Variants in MS4A18 observed in about 807,000 individuals in gnomAD.
The protein encoded by MS4A18 is membrane spanning 4-domains A18.
A neutral mutation model predicts 13.1 loss-of-function variants in MS4A18; 27 were observed. The observed-to-expected ratio is 2.06, with a 90% confidence interval of 1.52 to 2.84. The LOEUF is 2.84. Among genes scored for constraint, MS4A18 ranks in the 30% most tolerant of loss-of-function variants. MS4A18 has a pLI of 0.00. For missense variants in MS4A18, 307 were observed against 196.4 expected (o/e 1.56, Z -3.37); for synonymous variants, 126 against 76.5 (o/e 1.65, Z -3.38).
At chr11:60,738,935 G>T (rs960858474) in exon 4 of MS4A18, 3 of 703,230 alleles carry the variant, frequency 4.3e-6, no homozygotes, top group Admixed American at 4.0e-5. Flanking sequence ...CATCATCAGC[G>T]CACTCTTCGC....
chr11:60,742,956 G>A (rs61071431), intron 5 of MS4A18, among the ~76,000 whole-genome samples: 21,796 of 152,116 alleles, frequency 0.14, 1,725 homozygotes, highest in East Asian at 0.25. Context: ...TACATAACAT[G>A]GGAAATCATT....
At chr11:60,733,050 G>T (rs1041984833) in intron 1 of MS4A18, among the ~76,000 whole-genome samples, 1 of 152,212 alleles carries the variant, frequency 6.6e-6, no homozygotes, top group Non-Finnish European at 1.5e-5. Context: ...ATCTGAGAAC[G>T]ATGTTAACAT....
intron 1 of MS4A18, among the ~76,000 whole-genome samples, chr11:60,731,544 T>A (rs1237631546): frequency 6.6e-6 from 1 of 152,216 alleles, no homozygotes; most frequent in Non-Finnish European, 1.5e-5. Context: ...CTCCCTTTTA[T>A]TATAACTTTC....
In MS4A18 at chr11:60,730,961, G is replaced by C. The variant is rs186011896; in HGVS notation, c.477+1169G>C. Among the ~76,000 whole-genome samples, 11 of 152,300 alleles carry C rather than the reference G, an allele frequency of 7.2e-5. No individual in the cohort carries two copies. In the East Asian group the frequency reaches 1.2e-3, roughly 16 times the overall value. On this transcript the variant is annotated intron_variant, in intron 1 of 5. Coordinates refer to ENST00000529108, the Ensembl canonical transcript of MS4A18. ...TACAAAAAATTAGCCAGGTGTGGTG[G>C]CGGGTGCCTGTAGTCCCAGCTACTC... is the stretch of plus-strand genomic sequence containing the variant.
At chr11:60,733,637 G>A (rs1853290840) in exon 2 of MS4A18, 1 of 703,610 alleles carries the variant, frequency 1.4e-6, no homozygotes, top group Non-Finnish European at 2.6e-6. Flanking sequence ...CCGCTCTGGG[G>A]AGGATTATCC....
At chr11:60,744,575 A>G (rs1853459725), downstream of MS4A18, among the ~76,000 whole-genome samples, 2 of 152,234 alleles carry the variant, frequency 1.3e-5, no homozygotes, top group African/African-American at 4.8e-5. Flanking sequence ...TTGCTAAGAT[A>G]AAAAGTCATA....
At chr11:60,729,584 G>A (rs1853220458) in exon 1 of MS4A18, 1 of 702,658 alleles carries the variant, frequency 1.4e-6, no homozygotes, top group African/African-American at 1.7e-5. Flanking sequence ...GGAACAGCCA[G>A]TTTGCAGACG....
chr11:60,729,834 C>T (rs554083905), intron 1 of MS4A18, 48 bp downstream of exon 2: 1 of 658,408 alleles, frequency 1.5e-6, no homozygotes, highest in African/African-American at 1.8e-5. Context: ...TTCATAAGCC[C>T]TCGTCTAGTG....
upstream of MS4A18, chr11:60,729,240 T>A: frequency 1.6e-6 from 1 of 641,214 alleles, no homozygotes; most frequent in Non-Finnish European, 2.8e-6. Flanking sequence ...AAGATAAGAA[T>A]GAGATAAGAT....
At position 60,735,253 on chromosome 11, in the gene MS4A18, C is replaced by T. The variant is rs137942316; in HGVS notation, c.591+1606C>T. On this transcript the variant is annotated intron_variant, in intron 2 of 5. Transcript: ENST00000529108. Reference sequence around the variant, plus strand: ...CTAACTTAAAAAACAAAGCATCACACGTGGTTTTTAAATTTTTAAATCCCT... The same window carrying T: ...CTAACTTAAAAAACAAAGCATCACATGTGGTTTTTAAATTTTTAAATCCCT... 2.9e-3 allele frequency among the ~76,000 whole-genome samples: 447 copies of T among 152,270 alleles called. 3 individuals are homozygous for T. The highest frequency in any genetic ancestry group is 0.01 in the African/African-American group (418 of 41,552).
chr11:60,741,018 C>T lies in MS4A18; in HGVS notation c.745-12C>T. 1 of 703,032 alleles carries T rather than the reference C, an allele frequency of 1.4e-6. No individual in the cohort carries two copies. The allele number at this position is 703,032 out of a possible 1,614,324, so 43.5% of individuals were successfully genotyped here. Reference sequence around the variant, plus strand: ...GAAGGACTAAATGCCTTCCATTTCTCTTTGCCTTTAGACATATTCAAAGGC... The same window carrying T: ...GAAGGACTAAATGCCTTCCATTTCTTTTTGCCTTTAGACATATTCAAAGGC... On this transcript the variant is annotated splice_polypyrimidine_tract_variant and intron_variant, in intron 4 of 5. Transcript: ENST00000529108.
chr11:60,735,833 T>A (rs943895553), intron 2 of MS4A18, among the ~76,000 whole-genome samples: 1 of 151,242 alleles, frequency 6.6e-6, no homozygotes, highest in African/African-American at 2.4e-5. Context: ...CCAGCTAATT[T>A]TTGTATTTTC....
intron 1 of MS4A18, among the ~76,000 whole-genome samples, chr11:60,731,104 GA>G (rs1315131582): frequency 1.3e-5 from 2 of 151,724 alleles, no homozygotes; most frequent in Non-Finnish European, 2.9e-5. Flanking sequence ...TAAAAAAAAA[GA>G]AAAAAAGAGG....
At chr11:60,743,908 A>G in exon 6 of MS4A18, 1 of 703,070 alleles carries the variant, frequency 1.4e-6, no homozygotes, top group Non-Finnish European at 2.6e-6. Context: ...CGTTAACACT[A>G]CCACTGCCCC....
chr11:60,733,604 T>A (rs1269202783), exon 2 of MS4A18: 1 of 703,524 alleles, frequency 1.4e-6, no homozygotes, highest in Non-Finnish European at 2.6e-6. Context: ...TACTATCCTT[T>A]TGTGACCTGG....
chr11:60,738,300 G>A (rs979739881), intron 3 of MS4A18, among the ~76,000 whole-genome samples: 4 of 152,102 alleles, frequency 2.6e-5, no homozygotes, highest in Admixed American at 6.6e-5. Context: ...GAGAATTTCC[G>A]GTTCTGAAAA....
At chr11:60,725,243 G>A (rs1299745199), upstream of MS4A18, among the ~76,000 whole-genome samples, 1 of 152,138 alleles carries the variant, frequency 6.6e-6, no homozygotes, top group Non-Finnish European at 1.5e-5. Context: ...ACCCAGGCTG[G>A]AGTGCAGTGG....
At chr11:60,736,410 T>C (rs141381391) in intron 2 of MS4A18, among the ~76,000 whole-genome samples, 18 of 152,078 alleles carry the variant, frequency 1.2e-4, no homozygotes, top group Middle Eastern at 3.4e-3. Flanking sequence ...CTCTCATAAC[T>C]GAACAGAGCT....
At chr11:60,734,164 A>C (rs1397316078) in intron 2 of MS4A18, among the ~76,000 whole-genome samples, 1 of 152,084 alleles carries the variant, frequency 6.6e-6, no homozygotes, top group Non-Finnish European at 1.5e-5. Flanking sequence ...GCTGAGGTGG[A>C]AGGATCACCT....
Sources: gnomAD v4.1 joint callset for allele counts (sites outside exome capture counted in the v4.1 genomes callset) on GRCh38, gnomAD v4.1.1 for gene constraint, MANE v1.5 for transcripts, NCBI Gene and HGNC (gene_info 2026-07-23, HGNC 2026-07-21) for gene names.